BMF: variants seen among roughly 807,000 people sequenced by gnomAD.
The protein encoded by BMF is bcl-2-modifying factor.
In BMF, 10 loss-of-function variants were observed where a neutral mutation model predicts 22.0. The observed-to-expected ratio is 0.45, with a 90% CI of 0.28 to 0.77. The LOEUF is 0.77. Ranked by LOEUF, BMF falls within the 30% of genes least tolerant of loss-of-function variation. BMF has a pLI of 0.13. For missense variants in BMF, 206 were observed against 226.8 expected (o/e 0.91, Z 0.59); for synonymous variants, 87 against 88.1 (o/e 0.99, Z 0.07).
intron 4 of BMF, among the ~76,000 whole-genome samples, chr15:40,099,845 A>C: frequency 6.6e-6 from 1 of 151,318 alleles, no homozygotes; most frequent in East Asian, 1.9e-4. Context: ...CACATAACTT[A>C]TAAGTGGCAG....
rs34500961 is a variant in BMF at position 40,089,071 on chromosome 15, C to T, written c.*2716G>A. 23,454 of 152,662 alleles carry T rather than the reference C, an allele frequency of 0.15. 2,213 individuals are homozygous for T. The highest frequency in any genetic ancestry group is 0.22 in the Middle Eastern group (64 of 294). The allele number at this position is 152,662 out of a possible 1,614,324, so 9.5% of individuals were successfully genotyped here. On this transcript the variant is annotated 3_prime_UTR_variant, in exon 5 of 5. Coordinates refer to ENST00000354670, the MANE Select transcript of BMF (RefSeq NM_001003940.2). Reference sequence around the variant, plus strand: ...CTCCCAACCCCCACCCTCAGCAAGCCACAAAGCCTCCACCGTCTTCAGCTG... The same window carrying T: ...CTCCCAACCCCCACCCTCAGCAAGCTACAAAGCCTCCACCGTCTTCAGCTG...
At chr15:40,092,453 TCACACACACA>T (rs34626523) in intron 4 of BMF, among the ~76,000 whole-genome samples, 35 of 148,714 alleles carry the variant, frequency 2.4e-4, no homozygotes, top group East Asian at 4.0e-4. Context: ...ACACACAGAC[TCACACACACA>T]CACACACACA....
intron 2 of BMF, among the ~76,000 whole-genome samples, chr15:40,107,279 G>A (rs1207069990): frequency 2.6e-5 from 4 of 152,218 alleles, no homozygotes; most frequent in Non-Finnish European, 5.9e-5. Context: ...CTGTCCCCTA[G>A]TCTCTTGCCT....
intron 3 of BMF, among the ~76,000 whole-genome samples, chr15:40,104,673 A>AAGG: frequency 6.6e-6 from 1 of 152,352 alleles, no homozygotes; most frequent in South Asian, 2.1e-4. Flanking sequence ...ACAGTTGGTT[A>AAGG]TTCACGTAGT....
intron 4 of BMF, among the ~76,000 whole-genome samples, chr15:40,098,306 G>A (rs1214840274): frequency 3.3e-5 from 5 of 152,200 alleles, no homozygotes; most frequent in Non-Finnish European, 5.9e-5. Flanking sequence ...CATGTCCCCA[G>A]ACCCTTGTTT....
chr15:40,096,558 G>A (rs929282368), intron 4 of BMF, among the ~76,000 whole-genome samples: 4 of 152,196 alleles, frequency 2.6e-5, no homozygotes, highest in African/African-American at 9.7e-5. Context: ...GGAAGAGCAG[G>A]TATTAATCAA....
intron 4 of BMF, among the ~76,000 whole-genome samples, chr15:40,102,657 C>T (rs142404087): frequency 5.3e-5 from 8 of 152,198 alleles, no homozygotes; most frequent in Non-Finnish European, 7.4e-5. Context: ...CCACGGAGCC[C>T]GCTAGATGAG....
intron 3 of BMF, 122 bp downstream of exon 3, chr15:40,105,673 G>A: frequency 8.1e-7 from 1 of 1,230,422 alleles, no homozygotes. Context: ...GGAAGTCAAG[G>A]AATCAACAGC....
At chr15:40,108,636 G>C (rs992901421) in intron 1 of BMF, 137 bp downstream of exon 1, 2 of 152,508 alleles carry the variant, frequency 1.3e-5, no homozygotes, top group Non-Finnish European at 2.9e-5. Context: ...CAGCGCCCCA[G>C]TTCTTCATGG....
chr15:40,101,758 A>G (rs2036480358), intron 4 of BMF, among the ~76,000 whole-genome samples: 1 of 152,178 alleles, frequency 6.6e-6, no homozygotes, highest in Non-Finnish European at 1.5e-5. Flanking sequence ...GTGAAGGTCT[A>G]TAAGTAGGGT....
intron 4 of BMF, among the ~76,000 whole-genome samples, chr15:40,096,892 A>G (rs948250585): frequency 6.6e-6 from 1 of 152,214 alleles, no homozygotes; most frequent in Non-Finnish European, 1.5e-5. Flanking sequence ...GTCTGAAATT[A>G]TAACTTCAGA....
In BMF at chr15:40,090,641, T is replaced by C. The variant is rs1211928554; in HGVS notation, c.*1146A>G. On this transcript the variant is annotated 3_prime_UTR_variant, in exon 5 of 5. Transcript: ENST00000354670. ...AAGATAGGAAATGTGTACCCAGCTTTGACGGTTCCCCACTCTAATCGTTAT... is the reference window on the plus strand; with the variant it reads ...AAGATAGGAAATGTGTACCCAGCTTCGACGGTTCCCCACTCTAATCGTTAT... The C allele has an allele frequency of 1.2e-4, 18 of 152,330 alleles. No individual in the cohort carries two copies. Among genetic ancestry groups the C allele is most frequent in the Admixed American group, 1.2e-3 (18 of 15,280 alleles). 9.4% of individuals were successfully genotyped at this position (152,330 alleles called of 1,614,324 possible).
Position 40,106,328 on chromosome 15 carries a change from C to A in BMF, c.-5-237G>T. Reference sequence around the variant, plus strand: ...ACCTCTTCCCTGGGCCCGCCTGGAACCACCCTTTTTCTTGATCACGTTTTC... The same window carrying A: ...ACCTCTTCCCTGGGCCCGCCTGGAAACACCCTTTTTCTTGATCACGTTTTC... On this transcript the variant is annotated intron_variant, in intron 2 of 4. Transcript: ENST00000354670. The surrounding 1 kb of genome is among the most constrained non-coding windows in gnomAD (Gnocchi z 4.1). 2.3e-6 allele frequency: 1 copy of A among 430,656 alleles called. No individual in the cohort carries two copies. Among genetic ancestry groups the A allele is most frequent in the Non-Finnish European group, 4.1e-6 (1 of 246,016 alleles). The allele number at this position is 430,656 out of a possible 1,614,324, so 26.7% of individuals were successfully genotyped here.
chr15:40,095,156 C>A (rs1390462574), intron 4 of BMF, among the ~76,000 whole-genome samples: 1 of 152,170 alleles, frequency 6.6e-6, no homozygotes. Context: ...CAAGCAGATA[C>A]CACACAGGCT....
In BMF at chr15:40,089,796, T is replaced by C. The variant is rs1215543004; in HGVS notation, c.*1991A>G. 1 of 152,288 alleles carries C rather than the reference T, an allele frequency of 6.6e-6. No individual in the cohort carries two copies. Among genetic ancestry groups the C allele is most frequent in the Admixed American group, 6.5e-5 (1 of 15,288 alleles). 9.4% of individuals were successfully genotyped at this position (152,288 alleles called of 1,614,324 possible). ...AGAGGGGAGAACAACGTATGTCCCA[T>C]ACACATCATAAAATGGTATGGAGAC... On this transcript the variant is annotated 3_prime_UTR_variant, in exon 5 of 5. Coordinates refer to ENST00000354670, the MANE Select transcript of BMF (RefSeq NM_001003940.2).
At position 40,106,677 on chromosome 15, in the gene BMF, T is replaced by C. The variant is rs2036596168; in HGVS notation, c.-5-586A>G. 1 of 152,468 alleles carries C rather than the reference T, an allele frequency of 6.6e-6. No individual in the cohort carries two copies. The allele number at this position is 152,468 out of a possible 1,614,324, so 9.4% of individuals were successfully genotyped here. ...CCCTCCAAACCTCTAAGCCCCGCCC[T>C]GCTGCCCATCTACTCTAATCTCCAC... On this transcript the variant is annotated intron_variant, in intron 2 of 4. Coordinates refer to ENST00000354670, the MANE Select transcript of BMF (RefSeq NM_001003940.2). The surrounding 1 kb of genome is among the most constrained non-coding windows in gnomAD (Gnocchi z 4.1).
At chr15:40,095,130 G>A (rs2036329548) in intron 4 of BMF, among the ~76,000 whole-genome samples, 2 of 152,116 alleles carry the variant, frequency 1.3e-5, no homozygotes, top group African/African-American at 4.8e-5. Context: ...ATGGGCCCAT[G>A]AGCCCTCTCT....
chr15:40,106,012 T>C lies in BMF; in HGVS notation c.75A>G (p.Gln25=), dbSNP rs748606755. Residue 25 remains glutamine, a synonymous_variant, in exon 3 of 5, where the codon CAA becomes CAG. Coordinates refer to ENST00000354670, the MANE Select transcript of BMF (RefSeq NM_001003940.2). The surrounding 1 kb of genome is among the most constrained non-coding windows in gnomAD (Gnocchi z 4.1). ...FQPEDGEPVT[Q]PGSLLSADLF... is the part of the protein sequence containing the mutation. The stretch of plus-strand genomic sequence containing the variant: ...GGTCAGCAGAGAGCAAGCTCCCGGG[T>C]TGGGTCACCGGCTCCCCATCCTCTG... 3.1e-6 allele frequency: 5 copies of C among 1,613,682 alleles called. No homozygotes were observed. The highest frequency in any genetic ancestry group is 4.2e-6 in the Non-Finnish European group (5 of 1,179,956).
At position 40,089,132 on chromosome 15, in the gene BMF, C is replaced by A. The variant is rs923083704; in HGVS notation, c.*2655G>T. The stretch of plus-strand genomic sequence containing the variant: ...AGGATCCAGGTCAGACTCTCCCTCC[C>A]TCTAAATCTGATTCTCCACCCCTCG... On this transcript the variant is annotated 3_prime_UTR_variant, in exon 5 of 5. Coordinates refer to ENST00000354670, the MANE Select transcript of BMF (RefSeq NM_001003940.2). The A allele has an allele frequency of 2.0e-5, 3 of 152,506 alleles. No homozygotes were observed. Among genetic ancestry groups the A allele is most frequent in the African/African-American group, 7.3e-5 (3 of 41,378 alleles). The allele number at this position is 152,506 out of a possible 1,614,324, so 9.4% of individuals were successfully genotyped here. A position where few individuals can be genotyped will look rare whatever the true frequency, so the allele number is the denominator to read the frequency against.
Sources: gnomAD v4.1 joint callset for allele counts (sites outside exome capture counted in the v4.1 genomes callset) on GRCh38, gnomAD v4.1.1 for gene constraint, Gnocchi (gnomAD v3.1) non-coding constraint, MANE v1.5 for transcripts, NCBI Gene and HGNC (gene_info 2026-07-23, HGNC 2026-07-21) for gene names.